The following KIF27 variants were observed in gnomAD, a reference collection of about 807,000 sequenced individuals.
KIF27 encodes kinesin-like protein KIF27.
Under a neutral mutation model 141.8 loss-of-function variants are expected in KIF27, and 84 were observed. The ratio of observed to expected loss-of-function variants is 0.59; its 90% CI spans 0.50 to 0.71. KIF27 has a LOEUF of 0.71. Among genes scored for constraint, KIF27 ranks in the 30% least tolerant of loss-of-function variants. The pLI is 0.00. For synonymous variants in KIF27, 471 were observed against 569.5 expected (o/e 0.83, Z 2.46); for missense variants, 1,306 against 1,628.4 (o/e 0.80, Z 3.41).
Position 83,903,186 on chromosome 9 carries a change from G to A in KIF27, c.1332C>T (p.Asn444=), listed in dbSNP as rs34326649. The A allele has an allele frequency of 1.3e-3, 2,019 of 1,614,112 alleles. 22 individuals are homozygous for A. In the African/African-American group the frequency reaches 0.021, roughly 17 times the overall value. ...KQQHKLQEWF[N]MIQEVRKAVL... ...CAGCCTTCCTGACCTCTTGGATCATGTTAAACCACTCCTGCAGTTTGTGTT... is the reference window on the plus strand; with the variant it reads ...CAGCCTTCCTGACCTCTTGGATCATATTAAACCACTCCTGCAGTTTGTGTT... Residue 444 remains asparagine (N), a synonymous_variant, in exon 4 of 18, where the codon AAC becomes AAT. Coordinates refer to ENST00000297814, the MANE Select transcript of KIF27 (RefSeq NM_017576.4).
At chr9:83,840,725 A>G (rs1946458106) in intron 17 of KIF27, among the ~76,000 whole-genome samples, 1 of 152,224 alleles carries the variant, frequency 6.6e-6, no homozygotes, top group Non-Finnish European at 1.5e-5. Flanking sequence ...TTTTAGCTAT[A>G]TATAGCAGAC....
chr9:83,870,948 G>T (rs1002444170), intron 11 of KIF27, among the ~76,000 whole-genome samples: 1 of 152,002 alleles, frequency 6.6e-6, no homozygotes, highest in Admixed American at 6.6e-5. Flanking sequence ...GTCTCACTCT[G>T]TATCTAGACT....
intron 1 of KIF27, among the ~76,000 whole-genome samples, chr9:83,918,072 C>A (rs2132858428): frequency 6.6e-6 from 1 of 152,062 alleles, no homozygotes; most frequent in Middle Eastern, 3.4e-3. Flanking sequence ...AAGTAAGACC[C>A]AGCCTGGGCA....
intron 11 of KIF27, 130 bp from the exon 12 acceptor site, chr9:83,870,762 G>A (rs1430430213): frequency 2.1e-6 from 3 of 1,402,624 alleles, no homozygotes; most frequent in Non-Finnish European, 1.9e-6. Context: ...CCAGGCTGGA[G>A]TGCAGTGGCA....
intron 17 of KIF27, among the ~76,000 whole-genome samples, chr9:83,841,846 T>G (rs974350444): frequency 2.0e-4 from 30 of 152,190 alleles, no homozygotes; most frequent in African/African-American, 3.9e-4. Context: ...TATATAAAAA[T>G]ACCTGATTTA....
Position 83,889,135 on chromosome 9 carries a change from G to C in KIF27, c.1928C>G (p.Ser643Cys). ...EQDKVLHCQF[S>C]DNSDDEESEG... ...TGATTCTTCATCATCACTGTTATCAGAAAATTGGCAGTGGAGGACCTTATC... is the reference window on the plus strand; with the variant it reads ...TGATTCTTCATCATCACTGTTATCACAAAATTGGCAGTGGAGGACCTTATC... The change falls in exon 7 of 18, where the codon TCT becomes TGT. Residue 643 changes from serine (S) to cysteine (C), a missense_variant. Ser to Cys is a moderately radical substitution (Grantham distance 112). This residue lies in a region of KIF27 where 596 missense variants were observed against 751.6 expected (regional missense o/e 0.79). Transcript: ENST00000297814. The C allele has an allele frequency of 4.3e-6, 7 of 1,613,682 alleles. No homozygotes were observed. The highest frequency in any genetic ancestry group is 5.9e-6 in the Non-Finnish European group (7 of 1,179,756).
chr9:83,920,892 CG>C (rs1426652496), intron 1 of KIF27, among the ~76,000 whole-genome samples: 1 of 151,274 alleles, frequency 6.6e-6, no homozygotes, highest in Non-Finnish European at 1.5e-5. Flanking sequence ...TCAACCTCTA[CG>C]GTGGGAAATG....
intron 12 of KIF27, chr9:83,868,625 A>G (rs1456565739): frequency 6.6e-6 from 1 of 152,236 alleles, no homozygotes; most frequent in Non-Finnish European, 1.5e-5. Context: ...AACTCTACCA[A>G]GTGGACATGG....
chr9:83,906,914 A>G (rs1954607840), intron 3 of KIF27, among the ~76,000 whole-genome samples: 1 of 152,074 alleles, frequency 6.6e-6, no homozygotes, highest in African/African-American at 2.4e-5. Flanking sequence ...ATATTTAAAC[A>G]TATGTGAAAA....
chr9:83,883,079 T>C (rs1257539374), intron 10 of KIF27, among the ~76,000 whole-genome samples: 1 of 151,974 alleles, frequency 6.6e-6, no homozygotes, highest in African/African-American at 2.4e-5. Context: ...AGTTCAATAA[T>C]AATAATAATA....
chr9:83,886,669 T>C (rs562158967), intron 9 of KIF27, among the ~76,000 whole-genome samples: 4 of 152,178 alleles, frequency 2.6e-5, no homozygotes, highest in South Asian at 2.1e-4. Flanking sequence ...GGTAGGAGGA[T>C]TGGTTGAGCC....
chr9:83,882,388 A>G (rs1358555502), intron 10 of KIF27, among the ~76,000 whole-genome samples: 1 of 152,142 alleles, frequency 6.6e-6, no homozygotes, highest in African/African-American at 2.4e-5. Context: ...ATGTTAGAGA[A>G]CTGAAAACCG....
intron 1 of KIF27, among the ~76,000 whole-genome samples, chr9:83,919,169 G>C (rs1425064200): frequency 6.6e-6 from 1 of 152,156 alleles, no homozygotes; most frequent in African/African-American, 2.4e-5. Flanking sequence ...AGTGTTGGCA[G>C]GGTATAAAGA....
At chr9:83,838,865 T>A (rs1946229209) in intron 17 of KIF27, 1 of 152,152 alleles carries the variant, frequency 6.6e-6, no homozygotes, top group African/African-American at 2.4e-5. Context: ...CTCTAGTTTT[T>A]AAAAATCTCT....
At chr9:83,887,227 C>T in intron 8 of KIF27, 31 bp from the exon 9 acceptor site, 1 of 1,373,764 alleles carries the variant, frequency 7.3e-7, no homozygotes, top group Non-Finnish European at 9.7e-7. Context: ...ATAAAACTAT[C>T]TGCTGGTAAA....
At chr9:83,892,126 G>A (rs1466674451) in intron 5 of KIF27, among the ~76,000 whole-genome samples, 1 of 152,094 alleles carries the variant, frequency 6.6e-6, no homozygotes, top group East Asian at 1.9e-4. Flanking sequence ...TTTTTGAAGT[G>A]TATCAAATCT....
At chr9:83,905,561 A>C (rs1394335028) in intron 3 of KIF27, among the ~76,000 whole-genome samples, 1 of 152,234 alleles carries the variant, frequency 6.6e-6, no homozygotes, top group South Asian at 2.1e-4. Context: ...TTAAAAAATA[A>C]TCATTTCAGT....
chr9:83,912,725 T>C (rs140315119), intron 2 of KIF27, among the ~76,000 whole-genome samples: 35 of 152,318 alleles, frequency 2.3e-4, no homozygotes, highest in African/African-American at 7.7e-4. Context: ...CAAAGTTTTA[T>C]ACCTCAACAA....
chr9:83,854,175 A>G (rs1368364345), intron 14 of KIF27, among the ~76,000 whole-genome samples: 1 of 152,228 alleles, frequency 6.6e-6, no homozygotes, highest in Non-Finnish European at 1.5e-5. Flanking sequence ...CACGGAATAT[A>G]CTTGAACAAA....
Sources: allele counts gnomAD v4.1 joint callset (sites outside exome capture counted in the v4.1 genomes callset), GRCh38; gene constraint gnomAD v4.1.1; regional missense constraint gnomAD v4.1.1; transcripts MANE v1.5; gene names NCBI Gene and HGNC (gene_info 2026-07-23, HGNC 2026-07-21).